PLCB4: variants seen among roughly 807,000 people sequenced by gnomAD.
The protein encoded by PLCB4 is phospholipase C beta 4.
A neutral mutation model predicts 178.8 loss-of-function variants in PLCB4; 77 were observed. The ratio of observed to expected loss-of-function variants is 0.43; its 90% CI spans 0.36 to 0.52. The LOEUF is 0.52. Ranked by LOEUF, PLCB4 falls within the 20% of genes least tolerant of loss-of-function variation. The pLI is 0.00. For missense variants in PLCB4, 1,024 were observed against 1,453.4 expected (o/e 0.70, Z 4.80); for synonymous variants, 496 against 490.8 (o/e 1.01, Z -0.14).
intron 33 of PLCB4, among the ~76,000 whole-genome samples, chr20:9,456,863 CA>C (rs1385500620): frequency 1.3e-5 from 2 of 152,082 alleles, no homozygotes; most frequent in African/African-American, 4.8e-5. Flanking sequence ...GTGGATATTC[CA>C]AAAGGAAGAC....
chr20:9,351,234 G>A (rs1292588064), intron 7 of PLCB4, among the ~76,000 whole-genome samples: 2 of 151,508 alleles, frequency 1.3e-5, no homozygotes, highest in African/African-American at 4.9e-5. Flanking sequence ...TATGCACAAC[G>A]TGCAGGTTAG....
intron 2 of PLCB4, among the ~76,000 whole-genome samples, chr20:9,106,956 C>T (rs771339902): frequency 5.3e-5 from 8 of 151,990 alleles, no homozygotes; most frequent in African/African-American, 1.4e-4. Context: ...GAATACTATG[C>T]GGTCATTAAA....
chr20:9,347,200 G>A (rs1012778865), intron 7 of PLCB4, among the ~76,000 whole-genome samples: 1 of 152,156 alleles, frequency 6.6e-6, no homozygotes, highest in African/African-American at 2.4e-5. Flanking sequence ...AAGTTGGAGT[G>A]CACATACGCT....
intron 30 of PLCB4, among the ~76,000 whole-genome samples, chr20:9,439,709 C>G (rs528571930): frequency 6.6e-6 from 1 of 152,288 alleles, no homozygotes; most frequent in South Asian, 2.1e-4. Flanking sequence ...GTAGCTTGAT[C>G]TCATTACTTC....
chr20:9,315,280 A>G (rs779111752), intron 4 of PLCB4, among the ~76,000 whole-genome samples: 1 of 152,196 alleles, frequency 6.6e-6, no homozygotes, highest in Non-Finnish European at 1.5e-5. Flanking sequence ...ATGATAAACA[A>G]TCTTGAGTAC....
At chr20:9,139,926 C>T (rs1226586370) in intron 2 of PLCB4, among the ~76,000 whole-genome samples, 1 of 152,032 alleles carries the variant, frequency 6.6e-6, no homozygotes, top group East Asian at 1.9e-4. Flanking sequence ...TTTGAAGGGG[C>T]TGAGGTGGGA....
chr20:9,261,290 T>A (rs2094295143), intron 3 of PLCB4, among the ~76,000 whole-genome samples: 1 of 152,162 alleles, frequency 6.6e-6, no homozygotes, highest in African/African-American at 2.4e-5. Context: ...TATATGTGCG[T>A]GTGCATTGAA....
chr20:9,291,614 A>AT (rs539606850), intron 3 of PLCB4, among the ~76,000 whole-genome samples: 2 of 152,066 alleles, frequency 1.3e-5, no homozygotes, highest in Non-Finnish European at 2.9e-5. Flanking sequence ...ATTCCATGTG[A>AT]TTTTTTTCTC....
intron 4 of PLCB4, among the ~76,000 whole-genome samples, chr20:9,310,684 C>A (rs1180290323): frequency 6.6e-6 from 1 of 151,834 alleles, no homozygotes; most frequent in African/African-American, 2.4e-5. Context: ...CACACACCAA[C>A]CTGGGTGACA....
intron 3 of PLCB4, among the ~76,000 whole-genome samples, chr20:9,259,241 A>G (rs533751644): frequency 1.3e-5 from 2 of 152,212 alleles, no homozygotes; most frequent in Non-Finnish European, 1.5e-5. Context: ...CTTTAGTGAT[A>G]ATATTGCATG....
chr20:9,480,722 A>T lies in PLCB4; in HGVS notation c.*1713A>T, dbSNP rs2044814333. 1 of 152,178 alleles carries T rather than the reference A, an allele frequency of 6.6e-6. No homozygotes were observed. Among genetic ancestry groups the T allele is most frequent in the Non-Finnish European group, 1.5e-5 (1 of 68,042 alleles). The allele number at this position is 152,178 out of a possible 1,614,324, so 9.4% of individuals were successfully genotyped here. The stretch of plus-strand genomic sequence containing the variant: ...TGTTCTTAGTTTCCTTATCTGTAAA[A>T]CAGTGGAGTTAGACTACATATCTTT... On this transcript the variant is annotated 3_prime_UTR_variant, in exon 40 of 40. Coordinates refer to ENST00000378473, the MANE Select transcript of PLCB4 (RefSeq NM_001377142.1).
intron 36 of PLCB4, among the ~76,000 whole-genome samples, chr20:9,471,054 T>C (rs1199190682): frequency 6.6e-6 from 1 of 152,204 alleles, no homozygotes; most frequent in South Asian, 2.1e-4. Flanking sequence ...CATACTTACA[T>C]TTTTAGATCA....
chr20:9,252,317 C>T (rs909822190), intron 3 of PLCB4, among the ~76,000 whole-genome samples: 6 of 152,160 alleles, frequency 3.9e-5, no homozygotes, highest in African/African-American at 1.2e-4. Context: ...GCATCATCTG[C>T]GAGCTTGTTA....
At chr20:9,393,333 T>C (rs919545923) in intron 17 of PLCB4, among the ~76,000 whole-genome samples, 4 of 152,140 alleles carry the variant, frequency 2.6e-5, no homozygotes, top group African/African-American at 9.7e-5. Flanking sequence ...AGACCCCTGC[T>C]CCACTGGGGA....
intron 3 of PLCB4, among the ~76,000 whole-genome samples, chr20:9,283,107 G>A (rs1244303551): frequency 2.0e-5 from 3 of 151,894 alleles, no homozygotes; most frequent in African/African-American, 7.2e-5. Flanking sequence ...TCTGGTCATG[G>A]AAATGGTCTA....
Position 9,337,153 on chromosome 20 carries a change from C to G in PLCB4, c.112C>G (p.Leu38Val), listed in dbSNP as rs867226171. The G allele has an allele frequency of 1.9e-6, 3 of 1,613,066 alleles. No homozygotes were observed. The highest frequency in any genetic ancestry group is 4.5e-5 in the East Asian group (2 of 44,844). The change falls in exon 5 of 40, where the codon CTC becomes GTC. Residue 38 changes from leucine to valine, a missense_variant. Around this residue, in one of 7 missense-constraint regions of PLCB4, gnomAD observed 225 missense variants for 291.0 expected, o/e 0.77. Transcript: ENST00000378473. ...EESFVFEPNC[L>V]FKVDEFGFFL... ...ATCCTTTGTGTTTGAACCCAACTGCCTCTTCAAAGTGGATGAGTTTGGCTT... is the reference window on the plus strand; with the variant it reads ...ATCCTTTGTGTTTGAACCCAACTGCGTCTTCAAAGTGGATGAGTTTGGCTT...
At chr20:9,335,062 T>C (rs890281246) in intron 4 of PLCB4, among the ~76,000 whole-genome samples, 1 of 152,144 alleles carries the variant, frequency 6.6e-6, no homozygotes, top group Non-Finnish European at 1.5e-5. Flanking sequence ...AGAATGATAG[T>C]GGCTGATTCT....
At chr20:9,463,593 C>CAAAAAAAA (rs145361980) in intron 35 of PLCB4, among the ~76,000 whole-genome samples, 1 of 49,692 alleles carries the variant, frequency 2.0e-5, no homozygotes, top group African/African-American at 8.1e-5. Context: ...AAATGGAAAG[C>CAAAAAAAA]AAAAAAAAAA....
At position 9,401,588 on chromosome 20, in the gene PLCB4, A is replaced by T. The variant is rs748637547; in HGVS notation, c.1609A>T (p.Lys537Ter). The T allele has an allele frequency of 6.3e-7, 1 of 1,599,254 alleles. No individual in the cohort carries two copies. The highest frequency in any genetic ancestry group is 2.2e-5 in the East Asian group (1 of 44,788). ...GGAAGCTGTTGCAAATAGCGTCAAGAAGGTCAGAGTCCCCTTTCTTTCATC... is the reference window on the plus strand; with the variant it reads ...GGAAGCTGTTGCAAATAGCGTCAAGTAGGTCAGAGTCCCCTTTCTTTCATC... ...HKEAVANSVK[K>*]ASDDLEHENN... Residue 537 changes from lysine (K) to a stop codon, truncating the protein, a stop_gained and splice_region_variant, in exon 20 of 40, where the codon AAG (lysine) becomes TAG (stop). Transcript: ENST00000378473. LOFTEE classifies it high-confidence loss of function.
Sources: allele counts gnomAD v4.1 joint callset (sites outside exome capture counted in the v4.1 genomes callset), GRCh38; gene constraint gnomAD v4.1.1; regional missense constraint gnomAD v4.1.1; transcripts MANE v1.5; gene names NCBI Gene and HGNC (gene_info 2026-07-23, HGNC 2026-07-21).